The following PRKG1 variants were observed in gnomAD, a reference collection of about 807,000 sequenced individuals.
The protein encoded by PRKG1 is protein kinase cGMP-dependent 1, also known as cGMP-dependent protein kinase 1.
In PRKG1, 35 loss-of-function variants were observed where a neutral mutation model predicts 88.1. That is an observed-to-expected ratio of 0.40 (90% CI 0.30 to 0.53). PRKG1 has a LOEUF of 0.53. Ranked by LOEUF, PRKG1 falls within the 20% of genes least tolerant of loss-of-function variation. The pLI, the probability that PRKG1 is intolerant of heterozygous loss-of-function variation, is 0.59. For synonymous variants in PRKG1, 303 were observed against 292.5 expected (o/e 1.04, Z -0.37); for missense variants, 540 against 839.8 (o/e 0.64, Z 4.41).
chr10:51,016,673 C>CTTCTTTCTTTTTTTTTTTTTTTTTTTTTT lies in PRKG1; in HGVS notation c.266+25031_266+25032insCTTTCTTTTTTTTTTTTTTTTTTTTTTTT, dbSNP rs1564571435. Among the ~76,000 whole-genome samples the CTTCTTTCTTTTTTTTTTTTTTTTTTTTTT allele has an allele frequency of 1.1e-3, 39 of 35,194 alleles. 4 individuals are homozygous for CTTCTTTCTTTTTTTTTTTTTTTTTTTTTT. The highest frequency in any genetic ancestry group is 3.1e-3 in the African/African-American group (22 of 7,088). The allele number at this position is 35,194 out of a possible 152,430, so 23.1% of individuals were successfully genotyped here. A position where few individuals can be genotyped will look rare whatever the true frequency, so the allele number is the denominator to read the frequency against. ...AGTGAAGAAGGTATTATTATCCTTTCTTTTTTTTTTTTTTTTTTTGGAATC... is the reference window on the plus strand; with the variant it reads ...AGTGAAGAAGGTATTATTATCCTTTCTTCTTTCTTTTTTTTTTTTTTTTTTTTTTTTTTTTTTTTTTTTTTTTTGGAATC... On this transcript the variant is annotated intron_variant, in intron 1 of 17. Coordinates refer to the PRKG1 transcript ENST00000401604.
At chr10:52,117,177 T>TGTGC (rs778170497) in intron 7 of PRKG1, among the ~76,000 whole-genome samples, 8 of 150,906 alleles carry the variant, frequency 5.3e-5, no homozygotes, top group African/African-American at 1.9e-4. Context: ...TGTGTGTGTG[T>TGTGC]GTGTGTGTGT....
intron 3 of PRKG1, among the ~76,000 whole-genome samples, chr10:51,702,514 A>G (rs1481010976): frequency 1.3e-5 from 2 of 152,186 alleles, no homozygotes; most frequent in African/African-American, 2.4e-5. Flanking sequence ...AGATATTTAT[A>G]GCATGGCATA....
At chr10:51,137,035 C>T (rs1247385191) in intron 1 of PRKG1, among the ~76,000 whole-genome samples, 1 of 152,076 alleles carries the variant, frequency 6.6e-6, no homozygotes, top group Non-Finnish European at 1.5e-5. Flanking sequence ...CAGGCGCCCG[C>T]CACCATGCCT....
At chr10:51,459,850 C>T (rs1397323611) in intron 2 of PRKG1, among the ~76,000 whole-genome samples, 2 of 152,068 alleles carry the variant, frequency 1.3e-5, no homozygotes, top group East Asian at 3.9e-4. Flanking sequence ...AGCTTTGTGG[C>T]TTTATTCAAT....
intron 4 of PRKG1, among the ~76,000 whole-genome samples, chr10:51,852,009 T>C (rs1312243499): frequency 6.6e-6 from 1 of 152,076 alleles, no homozygotes; most frequent in Non-Finnish European, 1.5e-5. Context: ...CCATCTTTGA[T>C]TTATGCAACC....
chr10:51,192,390 T>C (rs894790945), intron 2 of PRKG1, among the ~76,000 whole-genome samples: 1 of 151,948 alleles, frequency 6.6e-6, no homozygotes, highest in African/African-American at 2.4e-5. Context: ...TATTAAACTT[T>C]GAAATTCTAA....
intron 2 of PRKG1, among the ~76,000 whole-genome samples, chr10:51,290,834 G>C (rs1249761624): frequency 6.6e-6 from 1 of 152,106 alleles, no homozygotes; most frequent in Non-Finnish European, 1.5e-5. Context: ...TTTCAACTGT[G>C]TGCTCCTGAA....
At chr10:52,033,662 G>T (rs990446797) in intron 5 of PRKG1, among the ~76,000 whole-genome samples, 6 of 152,070 alleles carry the variant, frequency 3.9e-5, no homozygotes, top group African/African-American at 1.2e-4. Flanking sequence ...TAAAGTATAT[G>T]TAAAGCAGGA....
chr10:52,268,212 G>A (rs1420934939), intron 10 of PRKG1, among the ~76,000 whole-genome samples: 1 of 152,144 alleles, frequency 6.6e-6, no homozygotes, highest in Non-Finnish European at 1.5e-5. Context: ...TCCATGCAAA[G>A]TAAAGGCAAA....
intron 3 of PRKG1, among the ~76,000 whole-genome samples, chr10:51,538,318 T>C (rs1842211272): frequency 1.8e-5 from 2 of 109,466 alleles, no homozygotes; most frequent in African/African-American, 6.2e-5. Flanking sequence ...TGAAAATTAT[T>C]AATATATAAT....
chr10:51,729,131 A>C (rs2132467069), intron 3 of PRKG1, among the ~76,000 whole-genome samples: 1 of 152,264 alleles, frequency 6.6e-6, no homozygotes, highest in African/African-American at 2.4e-5. Flanking sequence ...TGAGAACCTT[A>C]AGATTCAGAT....
chr10:52,228,814 G>GCTC (rs1387807551), intron 9 of PRKG1, among the ~76,000 whole-genome samples: 1 of 152,144 alleles, frequency 6.6e-6, no homozygotes, highest in Non-Finnish European at 1.5e-5. Flanking sequence ...AGGATCCTCA[G>GCTC]GTCTGCATCA....
chr10:51,912,992 G>A (rs1051522568), intron 5 of PRKG1, among the ~76,000 whole-genome samples: 15 of 152,040 alleles, frequency 9.9e-5, no homozygotes, highest in African/African-American at 2.2e-4. Context: ...GTAGTGGTGC[G>A]ATCTCAGCTC....
At chr10:51,080,672 C>G (rs1407646919) in intron 1 of PRKG1, among the ~76,000 whole-genome samples, 1 of 152,158 alleles carries the variant, frequency 6.6e-6, no homozygotes, top group East Asian at 1.9e-4. Context: ...CCAGTATGCT[C>G]AACAACTTAT....
At chr10:51,445,783 A>G (rs1218923955) in intron 2 of PRKG1, among the ~76,000 whole-genome samples, 1 of 151,828 alleles carries the variant, frequency 6.6e-6, no homozygotes, top group Non-Finnish European at 1.5e-5. Flanking sequence ...TCCACTGTCT[A>G]CAACTGCCTG....
intron 3 of PRKG1, among the ~76,000 whole-genome samples, chr10:51,487,473 T>C (rs2132862340): frequency 6.6e-6 from 1 of 152,246 alleles, no homozygotes; most frequent in African/African-American, 2.4e-5. Flanking sequence ...AGAGACAAGA[T>C]TAAAAAACTC....
At chr10:51,564,054 G>A (rs1335859995) in intron 3 of PRKG1, among the ~76,000 whole-genome samples, 1 of 152,000 alleles carries the variant, frequency 6.6e-6, no homozygotes, top group Non-Finnish European at 1.5e-5. Flanking sequence ...AGAGAATCAG[G>A]GGCATCATTT....
At chr10:51,982,232 A>G (rs1321934432) in intron 5 of PRKG1, among the ~76,000 whole-genome samples, 1 of 152,094 alleles carries the variant, frequency 6.6e-6, no homozygotes, top group Non-Finnish European at 1.5e-5. Flanking sequence ...TGTGATTTGT[A>G]TCTTCCTTGG....
chr10:52,285,864 A>G (rs1198248163), intron 14 of PRKG1, among the ~76,000 whole-genome samples: 1 of 152,090 alleles, frequency 6.6e-6, no homozygotes, highest in Non-Finnish European at 1.5e-5. Context: ...AAAATGCAGC[A>G]AGGGAGATAG....
Sources: allele counts gnomAD v4.1 joint callset (sites outside exome capture counted in the v4.1 genomes callset), GRCh38; gene constraint gnomAD v4.1.1; transcripts MANE v1.5; gene names NCBI Gene and HGNC (gene_info 2026-07-23, HGNC 2026-07-21).